Variants in SEMA3A observed in about 807,000 individuals in gnomAD.
SEMA3A encodes semaphorin-3A.
SEMA3A carries 29 observed loss-of-function variants against 97.9 expected under a neutral mutation model. The ratio of observed to expected loss-of-function variants is 0.30; its 90% CI spans 0.22 to 0.40. The LOEUF (loss-of-function observed/expected upper bound fraction) is 0.40, where lower values mean the gene tolerates loss of function less well. SEMA3A is among the 10% of genes least tolerant of loss of function. SEMA3A has a pLI of 1.00. For synonymous variants in SEMA3A, 321 were observed against 323.7 expected (o/e 0.99, Z 0.09); for missense variants, 763 against 951.3 (o/e 0.80, Z 2.60).
intron 1 of SEMA3A, among the ~76,000 whole-genome samples, chr7:84,441,497 G>A (rs1013209291): frequency 1.3e-5 from 2 of 151,700 alleles, no homozygotes; most frequent in African/African-American, 4.8e-5. Flanking sequence ...AAATTTTTTG[G>A]TATAAGGTGC....
intron 1 of SEMA3A, among the ~76,000 whole-genome samples, chr7:84,448,623 A>G: frequency 6.6e-6 from 1 of 152,150 alleles, no homozygotes; most frequent in East Asian, 1.9e-4. Flanking sequence ...TCAAAGAATT[A>G]TACAAGAAAA....
intron 14 of SEMA3A, among the ~76,000 whole-genome samples, chr7:83,977,659 C>T (rs1337338625): frequency 6.6e-6 from 1 of 151,896 alleles, no homozygotes; most frequent in Non-Finnish European, 1.5e-5. Context: ...CATGAATGTT[C>T]TCTTTCTCTA....
intron 1 of SEMA3A, among the ~76,000 whole-genome samples, chr7:84,372,977 A>T (rs1354229255): frequency 6.6e-6 from 1 of 152,178 alleles, no homozygotes; most frequent in Non-Finnish European, 1.5e-5. Flanking sequence ...ACAACATGCC[A>T]GCTCCAAAAG....
rs962686534 is a variant in SEMA3A at position 84,485,258 on chromosome 7, T to C, written c.-246+7202A>G. 2.0e-5 allele frequency among the ~76,000 whole-genome samples: 3 copies of C among 152,150 alleles called. No individual in the cohort carries two copies. The East Asian group carries it at 5.8e-4, about 29-fold the overall frequency. On this transcript the variant is annotated intron_variant, in intron 1 of 3. Coordinates refer to the SEMA3A transcript ENST00000424555. ...ACAAAGTAGATATTTGGCCGCAGTA[T>C]TGGATGTGATAAAATATACTTCCAT... is the stretch of plus-strand genomic sequence containing the variant.
At chr7:84,026,026 G>T (rs1584562566) in intron 6 of SEMA3A, among the ~76,000 whole-genome samples, 1 of 152,322 alleles carries the variant, frequency 6.6e-6, no homozygotes, top group East Asian at 1.9e-4. Context: ...TAGTGGGAAA[G>T]ATTGCTACCT....
chr7:84,125,659 G>C (rs1344095550), intron 3 of SEMA3A, among the ~76,000 whole-genome samples: 1 of 152,150 alleles, frequency 6.6e-6, no homozygotes, highest in Non-Finnish European at 1.5e-5. Context: ...CTACATCTGG[G>C]CTAACCGCAA....
chr7:84,289,387 G>T (rs759095846), intron 3 of SEMA3A, among the ~76,000 whole-genome samples: 1 of 151,982 alleles, frequency 6.6e-6, no homozygotes, highest in Non-Finnish European at 1.5e-5. Flanking sequence ...CCAACATAAA[G>T]AAATGATAAC....
chr7:84,090,242 T>C (rs969120032), intron 4 of SEMA3A, among the ~76,000 whole-genome samples: 3 of 152,150 alleles, frequency 2.0e-5, no homozygotes, highest in Non-Finnish European at 4.4e-5. Context: ...TGGGTTTAGG[T>C]ACTAGGTAAG....
At chr7:84,411,879 T>C (rs955478702) in intron 1 of SEMA3A, among the ~76,000 whole-genome samples, 4 of 152,170 alleles carry the variant, frequency 2.6e-5, no homozygotes, top group Admixed American at 2.0e-4. Context: ...AATTGAATCC[T>C]GGTAATAAAG....
chr7:83,990,156 G>C (rs1789838988), intron 12 of SEMA3A, among the ~76,000 whole-genome samples: 1 of 151,634 alleles, frequency 6.6e-6, no homozygotes, highest in Non-Finnish European at 1.5e-5. Context: ...CCCACTTTTT[G>C]ATGGGGTTGT....
intron 4 of SEMA3A, among the ~76,000 whole-genome samples, chr7:84,106,857 T>C (rs1484590206): frequency 6.6e-6 from 1 of 152,182 alleles, no homozygotes; most frequent in Non-Finnish European, 1.5e-5. Context: ...ACTGCATGTT[T>C]AAATGTCCAT....
At chr7:84,344,196 C>A (rs1305026802) in intron 2 of SEMA3A, among the ~76,000 whole-genome samples, 2 of 152,052 alleles carry the variant, frequency 1.3e-5, no homozygotes, top group Non-Finnish European at 2.9e-5. Context: ...GGATTTTTGA[C>A]AATACTTTCA....
At chr7:83,981,048 G>A (rs1789393965) in intron 14 of SEMA3A, among the ~76,000 whole-genome samples, 2 of 152,118 alleles carry the variant, frequency 1.3e-5, no homozygotes, top group African/African-American at 4.8e-5. Context: ...GATAGAAATA[G>A]AAGAACATGT....
chr7:84,153,811 A>T (rs1348704574), intron 1 of SEMA3A, among the ~76,000 whole-genome samples: 1 of 152,152 alleles, frequency 6.6e-6, no homozygotes, highest in Non-Finnish European at 1.5e-5. Context: ...TAAAATCTTG[A>T]ATAGTTCAAA....
At position 83,957,335 on chromosome 7, in the gene SEMA3A, C is replaced by T. The variant is rs1788311074; in HGVS notation, c.*4036G>A. 1 of 152,110 alleles carries T rather than the reference C, an allele frequency of 6.6e-6. No homozygotes were observed. The allele number at this position is 152,110 out of a possible 1,614,324, so 9.4% of individuals were successfully genotyped here. On this transcript the variant is annotated 3_prime_UTR_variant, in exon 17 of 17. Coordinates refer to ENST00000265362, the MANE Select transcript of SEMA3A (RefSeq NM_006080.3). ...GTCTTATTCACTTTAGTGTCCTCAT[C>T]ACCTAACATAATACCTAGCACATTG...
intron 6 of SEMA3A, among the ~76,000 whole-genome samples, chr7:84,039,099 A>G (rs1192293720): frequency 1.3e-5 from 2 of 152,186 alleles, no homozygotes; most frequent in African/African-American, 4.8e-5. Context: ...TCTACTTTGC[A>G]TAGAGGTGTA....
intron 5 of SEMA3A, among the ~76,000 whole-genome samples, chr7:84,050,237 G>A (rs1792557582): frequency 6.6e-6 from 1 of 152,098 alleles, no homozygotes; most frequent in African/African-American, 2.4e-5. Context: ...CCCAGTAATG[G>A]GATGGCTGGG....
chr7:84,473,400 A>C (rs1273070331), intron 1 of SEMA3A, among the ~76,000 whole-genome samples: 1 of 148,952 alleles, frequency 6.7e-6, no homozygotes, highest in Non-Finnish European at 1.5e-5. Flanking sequence ...TAATATTATT[A>C]TTATTATTAT....
intron 3 of SEMA3A, among the ~76,000 whole-genome samples, chr7:84,123,314 C>T (rs908931272): frequency 6.6e-5 from 10 of 151,984 alleles, no homozygotes; most frequent in Non-Finnish European, 1.5e-4. Context: ...ACAGGTATCT[C>T]GACTGTATTT....
Sources: allele counts gnomAD v4.1 joint callset (sites outside exome capture counted in the v4.1 genomes callset), GRCh38; gene constraint gnomAD v4.1.1; transcripts MANE v1.5; gene names NCBI Gene and HGNC (gene_info 2026-07-23, HGNC 2026-07-21).